The following MTMR1 variants were observed in gnomAD, a reference collection of about 807,000 sequenced individuals.
MTMR1 encodes phosphatidylinositol-3-phosphate phosphatase MTMR1.
In MTMR1, 17 loss-of-function variants were observed where a neutral mutation model predicts 51.6. The ratio of observed to expected loss-of-function variants is 0.33; its 90% CI spans 0.23 to 0.49. The LOEUF is 0.49. Among genes scored for constraint, MTMR1 ranks in the 20% least tolerant of loss-of-function variants. The probability of loss-of-function intolerance (pLI) is 0.99; values close to 1 mark genes in which losing one functional copy is unlikely to be tolerated. For missense variants in MTMR1, 386 were observed against 526.9 expected, an observed-to-expected ratio of 0.73 and a Z score of 2.62; for synonymous variants, 201 against 205.6, an observed-to-expected ratio of 0.98 and a Z score of 0.19.
chrX:150,703,484 C>T (rs1297070057), intron 2 of MTMR1, among the ~76,000 whole-genome samples: 1 of 111,948 alleles, frequency 8.9e-6, no homozygotes, highest in Admixed American at 9.5e-5. Context: ...GTTCTCCTTC[C>T]CTCACCCACA....
At chrX:150,730,015 TAA>T in intron 6 of MTMR1, 92 bp from the exon 7 acceptor site, 1 of 499,172 alleles carries the variant, frequency 2.0e-6, no homozygotes, top group Non-Finnish European at 3.2e-6. Context: ...AGAAATGAAT[TAA>T]AAAAAAATAA....
At chrX:150,705,001 G>GAAA in intron 2 of MTMR1, among the ~76,000 whole-genome samples, 1 of 104,451 alleles carries the variant, frequency 9.6e-6, no homozygotes, top group Non-Finnish European at 2.0e-5. Flanking sequence ...AACAAACAAT[G>GAAA]AAAAAAAAAA....
In MTMR1 at chrX:150,764,080, T is replaced by TAGAGGC. The variant is rs2043221004; in HGVS notation, c.*1360_*1365dup. 1 of 112,745 alleles carries TAGAGGC rather than the reference T, an allele frequency of 8.9e-6. No homozygotes were observed. The highest frequency in any genetic ancestry group is 2.8e-4 in the East Asian group (1 of 3,588). The allele number at this position is 112,745 out of a possible 1,213,427, so 9.3% of individuals were successfully genotyped here. ...CCACTGGCTGCAGGAATTCAGCCTT[T>TAGAGGC]AGAGGCAGAGGCAGCTGCAGCGGCC... is the stretch of plus-strand genomic sequence containing the variant. On this transcript the variant is annotated 3_prime_UTR_variant, in exon 16 of 16. Coordinates refer to ENST00000445323, the MANE Select transcript of MTMR1 (RefSeq NM_001306144.3).
chrX:150,721,689 A>G (rs2041754227), intron 4 of MTMR1, among the ~76,000 whole-genome samples: 1 of 110,926 alleles, frequency 9.0e-6, no homozygotes. Context: ...CTAGAGGTTT[A>G]TTGATTTTAT....
chrX:150,721,378 T>C (rs2041740772), intron 4 of MTMR1, among the ~76,000 whole-genome samples: 1 of 111,905 alleles, frequency 8.9e-6, no homozygotes, highest in South Asian at 3.7e-4. Context: ...AAATATCTGG[T>C]AGAGTTTACC....
intron 12 of MTMR1, among the ~76,000 whole-genome samples, chrX:150,742,507 T>C (rs2042450706): frequency 9.0e-6 from 1 of 111,484 alleles, no homozygotes; most frequent in Middle Eastern, 4.6e-3. Context: ...TGCTATAACA[T>C]GGATGAACCT....
At chrX:150,756,288 G>T (rs994756206) in intron 15 of MTMR1, among the ~76,000 whole-genome samples, 6 of 111,848 alleles carry the variant, frequency 5.4e-5, no homozygotes, top group Admixed American at 9.4e-5. Flanking sequence ...GCAGTAGGAG[G>T]GCAGGTGCTT....
At position 150,762,561 on chromosome X, in the gene MTMR1, C is replaced by T. The variant is rs1206897438; in HGVS notation, c.1858-4C>T. 2 of 1,210,858 alleles carry T rather than the reference C, an allele frequency of 1.7e-6. No individual in the cohort carries two copies. Among genetic ancestry groups the T allele is most frequent in the African/African-American group, 1.7e-5 (1 of 57,494 alleles). ...TAATGCAGCTTTGTCTCTGCTCCCT[C>T]CAGATGCCCATTCACCAGAATCTCA... On this transcript the variant is annotated splice_polypyrimidine_tract_variant and splice_region_variant and intron_variant, in intron 15 of 15. Transcript: ENST00000445323.
At chrX:150,750,106 CAG>C (rs1237276141) in intron 13 of MTMR1, among the ~76,000 whole-genome samples, 1 of 105,731 alleles carries the variant, frequency 9.5e-6, no homozygotes, top group African/African-American at 3.6e-5. Flanking sequence ...GCCTGGGGGA[CAG>C]AGAGAGACTC....
At chrX:150,744,484 T>C in intron 13 of MTMR1, 31 bp downstream of exon 13, 6 of 1,091,400 alleles carry the variant, frequency 5.5e-6, no homozygotes, top group Non-Finnish European at 7.6e-6. Context: ...TTCTATATAG[T>C]CTTTGCTTTA....
intron 2 of MTMR1, among the ~76,000 whole-genome samples, chrX:150,710,654 C>T (rs781992465): frequency 8.9e-6 from 1 of 112,553 alleles, no homozygotes; most frequent in Admixed American, 9.4e-5. Context: ...AGCCACTGCG[C>T]CCGGCCATAA....
chrX:150,698,673 C>CGT (rs2040775397), intron 1 of MTMR1, among the ~76,000 whole-genome samples: 1 of 53,942 alleles, frequency 1.9e-5, no homozygotes, highest in East Asian at 5.3e-4. Flanking sequence ...CCTGTCTACA[C>CGT]GCGCGCGCAC....
chrX:150,736,475 T>G (rs2042272196), intron 10 of MTMR1, 120 bp from the exon 11 acceptor site: 1 of 622,701 alleles, frequency 1.6e-6, no homozygotes, highest in Non-Finnish European at 2.4e-6. Context: ...CATACAAGGA[T>G]ATAGGAGGTT....
intron 15 of MTMR1, among the ~76,000 whole-genome samples, chrX:150,759,656 C>A (rs368032118): frequency 9.1e-6 from 1 of 109,670 alleles, no homozygotes. Flanking sequence ...CAGACCTTTC[C>A]TAAAACCTAC....
At chrX:150,698,676 G>A (rs62609264) in intron 1 of MTMR1, among the ~76,000 whole-genome samples, 5,300 of 52,583 alleles carry the variant, frequency 0.1, 219 homozygotes, top group South Asian at 0.21. Flanking sequence ...GTCTACACGC[G>A]CGCGCACACA....
chrX:150,722,994 C>G (rs1232708153), intron 4 of MTMR1, among the ~76,000 whole-genome samples: 3 of 106,582 alleles, frequency 2.8e-5, no homozygotes, highest in African/African-American at 1.0e-4. Context: ...TAATGCTATC[C>G]CTCCCCCTTC....
chrX:150,755,965 C>T, intron 15 of MTMR1, 100 bp downstream of exon 15: 2 of 705,056 alleles, frequency 2.8e-6, no homozygotes, highest in Non-Finnish European at 4.3e-6. Flanking sequence ...ATTAACATAC[C>T]ATACTGACCG....
chrX:150,714,638 A>T, intron 3 of MTMR1: 1 of 506,776 alleles, frequency 2.0e-6, no homozygotes, highest in Non-Finnish European at 2.9e-6. Context: ...TGCCTCTACC[A>T]CAATAGTAGT....
rs73622477 is a variant in MTMR1 at position 150,731,956 on chromosome X, G to C, written c.891+337G>C. Among the ~76,000 whole-genome samples, 513 of 111,795 alleles carry C rather than the reference G, an allele frequency of 4.6e-3. 4 individuals carry two copies. Among genetic ancestry groups the C allele is most frequent in the African/African-American group, 0.015 (467 of 30,750 alleles). On this transcript the variant is annotated intron_variant, in intron 9 of 15. Transcript: ENST00000445323. Reference sequence around the variant, plus strand: ...GCTGGTTTCACTGAATCATCCTAGAGAAAATGCTTCTTTCTTAGATACTGA... The same window carrying C: ...GCTGGTTTCACTGAATCATCCTAGACAAAATGCTTCTTTCTTAGATACTGA...
Sources: gnomAD v4.1 joint callset for allele counts (sites outside exome capture counted in the v4.1 genomes callset) on GRCh38, gnomAD v4.1.1 for gene constraint, MANE v1.5 for transcripts, NCBI Gene and HGNC (gene_info 2026-07-23, HGNC 2026-07-21) for gene names.